The following TBC1D17 variants were observed in gnomAD, a reference collection of about 807,000 sequenced individuals.
The protein encoded by TBC1D17 is TBC1 domain family member 17, also known as TBC1 domain family, member 17.
TBC1D17 carries 69 observed loss-of-function variants against 78.8 expected under a neutral mutation model. The ratio of observed to expected loss-of-function variants is 0.88; its 90% CI spans 0.72 to 1.07. TBC1D17 has a LOEUF of 1.07. Ranked by LOEUF, TBC1D17 falls within the 50% of genes least tolerant of loss-of-function variation. The pLI is 0.00. For synonymous variants in TBC1D17, 456 were observed against 358.3 expected, an observed-to-expected ratio of 1.27 and a Z score of -3.08; for missense variants, 957 against 861.0, an observed-to-expected ratio of 1.11 and a Z score of -1.39.
chr19:49,878,793 G>A (rs2074983990), intron 3 of TBC1D17: 6 of 549,854 alleles, frequency 1.1e-5, no homozygotes, highest in East Asian at 3.0e-5. Context: ...ACGCACGGTC[G>A]TGGGGACGGC....
At chr19:49,884,212 CT>C (rs768662479) in intron 10 of TBC1D17, 40 bp from the exon 11 acceptor site, 1 of 1,581,442 alleles carries the variant, frequency 6.3e-7, no homozygotes, top group Non-Finnish European at 8.7e-7. Flanking sequence ...ATGGGCCCCC[CT>C]ACCTTTCTCA....
chr19:49,884,250 C>T lies in TBC1D17; in HGVS notation c.1127-3C>T, dbSNP rs763206815. On this transcript the variant is annotated splice_polypyrimidine_tract_variant and splice_region_variant and intron_variant, in intron 10 of 16. Coordinates refer to ENST00000221543, the MANE Select transcript of TBC1D17 (RefSeq NM_024682.3). The stretch of plus-strand genomic sequence containing the variant: ...CTTTGCACCCTGTGCCCGGTCCCCG[C>T]AGAAAGGGATGTGAGCCGCACTGAC... The T allele has an allele frequency of 4.3e-6, 7 of 1,613,562 alleles. No homozygotes were observed. In the East Asian group the frequency reaches 1.6e-4, roughly 36 times the overall value.
Position 49,887,583 on chromosome 19 carries a change from C to G in TBC1D17, c.1542+10C>G. 1 of 1,613,890 alleles carries G rather than the reference C, an allele frequency of 6.2e-7. No individual in the cohort carries two copies. ...CCTTCGGCTGTGGGAGGTGGGCCAG[C>G]CAGTTTGGGCGAGAGGCCTGAAGGG... On this transcript the variant is annotated intron_variant, in intron 14 of 16. Coordinates refer to ENST00000221543, the MANE Select transcript of TBC1D17 (RefSeq NM_024682.3).
chr19:49,878,301 T>C, intron 2 of TBC1D17, 60 bp downstream of exon 2: 1 of 1,483,790 alleles, frequency 6.7e-7, no homozygotes, highest in Non-Finnish European at 9.2e-7. Flanking sequence ...CGGTCTGGGA[T>C]GCAGGCGGCA....
chr19:49,887,446 A>AG, intron 13 of TBC1D17, 30 bp from the exon 14 acceptor site: 1 of 1,606,362 alleles, frequency 6.2e-7, no homozygotes, highest in South Asian at 1.1e-5. Context: ...GCGCTGGGCA[A>AG]GGCTGAGTGG....
chr19:49,887,891 C>T, intron 15 of TBC1D17, 57 bp downstream of exon 15: 1 of 1,381,810 alleles, frequency 7.2e-7, no homozygotes, highest in South Asian at 1.3e-5. Context: ...CTGCCCAGGG[C>T]CGCAGTACCT....
chr19:49,882,183 T>A, intron 6 of TBC1D17, 31 bp downstream of exon 6: 1 of 1,613,548 alleles, frequency 6.2e-7, no homozygotes. Flanking sequence ...GCCTGGCGGG[T>A]GTGGGCAGGG....
Position 49,882,496 on chromosome 19 carries a change from C to T in TBC1D17, c.798+96C>T, listed in dbSNP as rs557134894. On this transcript the variant is annotated intron_variant, in intron 7 of 16. Transcript: ENST00000221543. Reference sequence around the variant, plus strand: ...GGCCTCAGTTTCCTCTTTGGTAAAACGGGGATGGTAATGGGACACCCTCAG... The same window carrying T: ...GGCCTCAGTTTCCTCTTTGGTAAAATGGGGATGGTAATGGGACACCCTCAG... 2.5e-4 allele frequency: 375 copies of T among 1,521,688 alleles called. 1 individual carries two copies. The African/African-American group carries it at 3.8e-3, about 15-fold the overall frequency. 94.3% of individuals were successfully genotyped at this position (1,521,688 alleles called of 1,614,324 possible). A position where few individuals can be genotyped will look rare whatever the true frequency, so the allele number is the denominator to read the frequency against.
At chr19:49,882,439 T>A in intron 7 of TBC1D17, 39 bp downstream of exon 7, 1 of 1,580,150 alleles carries the variant, frequency 6.3e-7, no homozygotes, top group Admixed American at 1.7e-5. Flanking sequence ...TTTCTGGCCG[T>A]GTCTCCCTGG....
chr19:49,885,693 A>T (rs1348784175), intron 13 of TBC1D17, among the ~76,000 whole-genome samples: 1 of 150,896 alleles, frequency 6.6e-6, no homozygotes, highest in African/African-American at 2.4e-5. Flanking sequence ...CCTGGGCGCA[A>T]TGTCATCCTG....
chr19:49,877,940 G>T (rs1014820253), intron 1 of TBC1D17, 196 bp downstream of exon 1: 2 of 746,898 alleles, frequency 2.7e-6, no homozygotes, highest in African/African-American at 3.6e-5. Flanking sequence ...CCCGGCTCAG[G>T]CGACTCCTTG....
At chr19:49,881,160 G>T (rs2075008973) in intron 4 of TBC1D17, 108 bp from the exon 5 acceptor site, 10 of 925,850 alleles carry the variant, frequency 1.1e-5, no homozygotes, top group Non-Finnish European at 1.4e-5. Flanking sequence ...GTGGCTTGTG[G>T]CGGGGCCCTC....
chr19:49,887,402 C>G (rs2075067276), intron 13 of TBC1D17, 74 bp from the exon 14 acceptor site: 1 of 1,467,948 alleles, frequency 6.8e-7, no homozygotes, highest in Non-Finnish European at 9.4e-7. Flanking sequence ...GGAAGGTCTT[C>G]CAGTCAGGAT....
chr19:49,885,652 T>C (rs549059392), intron 13 of TBC1D17: 3 of 147,880 alleles, frequency 2.0e-5, no homozygotes, highest in South Asian at 4.3e-4. Context: ...CCAAAAAAAA[T>C]TGGGAGACTA....
At chr19:49,881,889 G>C in intron 5 of TBC1D17, 152 bp from the exon 6 acceptor site, 1 of 734,604 alleles carries the variant, frequency 1.4e-6, no homozygotes. Flanking sequence ...GGATCCAGCT[G>C]TGGGCCTCCT....
Position 49,883,029 on chromosome 19 carries a change from C to A in TBC1D17, c.984C>A (p.Ser328Arg), listed in dbSNP as rs1238481913. 1.2e-6 allele frequency: 2 copies of A among 1,611,340 alleles called. No individual in the cohort carries two copies. Among genetic ancestry groups the A allele is most frequent in the Non-Finnish European group, 1.7e-6 (2 of 1,179,074 alleles). ...EAWKFLLGYL[S>R]WEGTAEEHKA... ...GGAAGTTCCTCCTAGGGTACCTCAG[C>A]TGGGAAGGCACAGCTGAGGAGCACA... The change falls in exon 9 of 17, where the codon AGC becomes AGA. Residue 328 changes from serine (S) to arginine (R), a missense_variant. Physicochemically the swap from Ser to Arg is moderately radical, Grantham distance 110 (BLOSUM62 -1). Coordinates refer to ENST00000221543, the MANE Select transcript of TBC1D17 (RefSeq NM_024682.3).
intron 5 of TBC1D17, 38 bp from the exon 6 acceptor site, chr19:49,882,003 A>T: frequency 6.4e-7 from 1 of 1,553,032 alleles, no homozygotes; most frequent in Non-Finnish European, 8.9e-7. Flanking sequence ...CTGGGCCCCT[A>T]CCTGTGCATC....
chr19:49,883,700 C>T lies in TBC1D17; in HGVS notation c.1081C>T (p.Gln361Ter). 2 of 1,613,970 alleles carry T rather than the reference C, an allele frequency of 1.2e-6. No homozygotes were observed. The highest frequency in any genetic ancestry group is 1.7e-6 in the Non-Finnish European group (2 of 1,179,976). ...KLQWKSVSPEQERRNSLLHGY... is the reference protein window; with the variant it reads ...KLQWKSVSPE ...GCAGTGGAAATCTGTGAGCCCTGAG[C>T]AGGAGCGGAGAAACTCACTTCTGCA... The change falls in exon 10 of 17, where the codon CAG becomes TAG. Residue 361 changes from glutamine (Q) to a stop codon, truncating the protein, a stop_gained. Coordinates refer to ENST00000221543, the MANE Select transcript of TBC1D17 (RefSeq NM_024682.3). LOFTEE classifies it high-confidence loss of function.
rs774465521 is a variant in TBC1D17, at chr19:49,888,373, C to T, written c.1747-51C>T. 9.6e-6 allele frequency: 15 copies of T among 1,556,766 alleles called. No individual in the cohort carries two copies. In the East Asian group the frequency reaches 1.2e-4, roughly 12 times the overall value. ...CCCGAACCCCGACCGACCCCCGCCC[C>T]CTTCTCACCTTCACCTTCCGCTTTT... On this transcript the variant is annotated intron_variant, in intron 16 of 16. Transcript: ENST00000221543.
Sources: allele counts gnomAD v4.1 joint callset (sites outside exome capture counted in the v4.1 genomes callset), GRCh38; gene constraint gnomAD v4.1.1; transcripts MANE v1.5; gene names NCBI Gene and HGNC (gene_info 2026-07-23, HGNC 2026-07-21).